The following GMDS variants were observed in gnomAD, a reference collection of about 807,000 sequenced individuals.
GMDS encodes GDP-mannose 4,6-dehydratase.
In GMDS, 20 loss-of-function variants were observed where a neutral mutation model predicts 49.9. The observed-to-expected ratio is 0.40, with a 90% CI of 0.28 to 0.58. The LOEUF is 0.58. GMDS is among the 20% of genes least tolerant of loss of function. GMDS has a pLI of 0.42. For synonymous variants in GMDS, 177 were observed against 178.6 expected, an observed-to-expected ratio of 0.99 and a Z score of 0.07; for missense variants, 362 against 481.4, an observed-to-expected ratio of 0.75 and a Z score of 2.32.
intron 1 of GMDS, among the ~76,000 whole-genome samples, chr6:2,171,301 TGTAAGTA>T (rs1777994434): frequency 6.6e-6 from 1 of 152,168 alleles, no homozygotes. Flanking sequence ...AGAGACAGAA[TGTAAGTA>T]ATTTGTTTAA....
At chr6:2,210,138 A>G (rs1779999862) in intron 1 of GMDS, among the ~76,000 whole-genome samples, 1 of 152,178 alleles carries the variant, frequency 6.6e-6, no homozygotes, top group South Asian at 2.1e-4. Context: ...TTTGTACAGA[A>G]TATTTCAAAA....
At chr6:2,096,920 A>G (rs1006603030) in intron 4 of GMDS, among the ~76,000 whole-genome samples, 3 of 152,202 alleles carry the variant, frequency 2.0e-5, no homozygotes, top group Admixed American at 1.3e-4. Context: ...TAGTGACTGT[A>G]AATTTTATAT....
At chr6:2,047,584 G>A (rs1348157605) in intron 4 of GMDS, among the ~76,000 whole-genome samples, 1 of 152,088 alleles carries the variant, frequency 6.6e-6, no homozygotes, top group Non-Finnish European at 1.5e-5. Context: ...CGCCTCCTGG[G>A]TTCCAGCGAT....
chr6:2,149,570 C>T (rs568510362), intron 1 of GMDS, among the ~76,000 whole-genome samples: 15 of 152,298 alleles, frequency 9.8e-5, no homozygotes, highest in African/African-American at 3.1e-4. Flanking sequence ...CCAACACAGG[C>T]AGTAATGGAG....
chr6:2,203,859 G>A (rs898892292), intron 1 of GMDS, among the ~76,000 whole-genome samples: 12 of 152,148 alleles, frequency 7.9e-5, no homozygotes, highest in Admixed American at 4.6e-4. Context: ...ATGATCACAC[G>A]ATTTCACATG....
At chr6:1,949,573 C>T (rs1323702169) in intron 6 of GMDS, among the ~76,000 whole-genome samples, 1 of 152,148 alleles carries the variant, frequency 6.6e-6, no homozygotes, top group African/African-American at 2.4e-5. Flanking sequence ...CCAAGTATTG[C>T]TTCAAAAGTC....
At chr6:1,721,330 T>C (rs1259777818) in intron 9 of GMDS, among the ~76,000 whole-genome samples, 1 of 152,218 alleles carries the variant, frequency 6.6e-6, no homozygotes, top group East Asian at 1.9e-4. Context: ...GGTTTTAACC[T>C]ATGATTTTTC....
chr6:1,681,763 C>G (rs2113308991), intron 9 of GMDS, among the ~76,000 whole-genome samples: 2 of 152,374 alleles, frequency 1.3e-5, no homozygotes, highest in Middle Eastern at 3.4e-3. Flanking sequence ...GGCACGATCA[C>G]AGCTCACTGC....
At chr6:1,845,009 A>G (rs993893402) in intron 7 of GMDS, among the ~76,000 whole-genome samples, 5 of 152,238 alleles carry the variant, frequency 3.3e-5, no homozygotes, top group African/African-American at 7.2e-5. Flanking sequence ...AAGTGCTGCT[A>G]AAGCTCAGTG....
chr6:1,724,231 A>G (rs1297798876), intron 9 of GMDS, among the ~76,000 whole-genome samples: 1 of 152,242 alleles, frequency 6.6e-6, no homozygotes, highest in Non-Finnish European at 1.5e-5. Flanking sequence ...GGAAAAATAA[A>G]GCAAGCATAT....
chr6:1,839,235 T>A (rs1393670895), intron 7 of GMDS, among the ~76,000 whole-genome samples: 1 of 152,172 alleles, frequency 6.6e-6, no homozygotes, highest in Non-Finnish European at 1.5e-5. Context: ...AAACAAGAAG[T>A]GAGCCAGGGG....
chr6:1,915,679 C>T (rs1367218326), intron 7 of GMDS, among the ~76,000 whole-genome samples: 1 of 152,184 alleles, frequency 6.6e-6, no homozygotes, highest in African/African-American at 2.4e-5. Flanking sequence ...GCACAAGGGT[C>T]GGCCGAATGA....
chr6:1,822,776 A>G (rs1004931312), intron 7 of GMDS, among the ~76,000 whole-genome samples: 1 of 152,224 alleles, frequency 6.6e-6, no homozygotes, highest in Non-Finnish European at 1.5e-5. Context: ...ATATAGAAGT[A>G]AAAACTTCAG....
chr6:1,660,952 AC>A (rs945838561), intron 9 of GMDS, among the ~76,000 whole-genome samples: 34 of 151,604 alleles, frequency 2.2e-4, no homozygotes, highest in Admixed American at 2.2e-3. Context: ...TCCCATCATG[AC>A]CTTGAGATAT....
At chr6:1,736,173 G>A (rs1249799530) in intron 8 of GMDS, among the ~76,000 whole-genome samples, 3 of 152,166 alleles carry the variant, frequency 2.0e-5, no homozygotes, top group African/African-American at 7.2e-5. Flanking sequence ...AGATCTTGCA[G>A]GTGCCAATAA....
At chr6:1,986,448 A>G (rs1343438180) in intron 4 of GMDS, among the ~76,000 whole-genome samples, 1 of 152,192 alleles carries the variant, frequency 6.6e-6, no homozygotes, top group Non-Finnish European at 1.5e-5. Context: ...TGAATTCCCT[A>G]TGAAACCTAG....
At chr6:2,003,200 A>G (rs1005860928) in intron 4 of GMDS, among the ~76,000 whole-genome samples, 2 of 152,178 alleles carry the variant, frequency 1.3e-5, no homozygotes, top group African/African-American at 4.8e-5. Context: ...GAAAACCTTG[A>G]CGACAATGTT....
At chr6:1,650,000 C>T (rs1034466516) in intron 9 of GMDS, among the ~76,000 whole-genome samples, 21 of 152,198 alleles carry the variant, frequency 1.4e-4, no homozygotes, top group Admixed American at 1.3e-4. Context: ...CTGAAAGTAA[C>T]TTCCGAAGTG....
chr6:1,658,655 T>A (rs1763967210), intron 9 of GMDS, among the ~76,000 whole-genome samples: 1 of 152,278 alleles, frequency 6.6e-6, no homozygotes, highest in Admixed American at 6.5e-5. Flanking sequence ...ATTTAAAAAA[T>A]CAACATATAC....
Sources: gnomAD v4.1 joint callset for allele counts (sites outside exome capture counted in the v4.1 genomes callset) on GRCh38, gnomAD v4.1.1 for gene constraint, MANE v1.5 for transcripts, NCBI Gene and HGNC (gene_info 2026-07-23, HGNC 2026-07-21) for gene names.